The following SNCAIP variants were observed in gnomAD, a reference collection of about 807,000 sequenced individuals.
SNCAIP encodes the protein synphilin-1.
Under a neutral mutation model 86.7 loss-of-function variants are expected in SNCAIP, and 43 were observed. That is an observed-to-expected ratio of 0.50 (90% CI 0.39 to 0.64). The LOEUF is 0.64. Among genes scored for constraint, SNCAIP ranks in the 30% least tolerant of loss-of-function variants. SNCAIP has a pLI of 0.00. For missense variants in SNCAIP, 981 were observed against 1,103.1 expected (o/e 0.89, Z 1.57); for synonymous variants, 417 against 427.2 (o/e 0.98, Z 0.29).
chr5:122,322,583 TG>T (rs1407532402), intron 1 of SNCAIP, among the ~76,000 whole-genome samples: 1 of 152,214 alleles, frequency 6.6e-6, no homozygotes, highest in East Asian at 1.9e-4. Flanking sequence ...TTTGAGTTTT[TG>T]TTTCTGAGTG....
chr5:122,380,801 C>T lies in SNCAIP; in HGVS notation c.-46-10288C>T, dbSNP rs536045159. On this transcript the variant is annotated intron_variant, in intron 1 of 10. Coordinates refer to ENST00000261368, the MANE Select transcript of SNCAIP (RefSeq NM_005460.4). ...TTCTGCCTTCATTTCGTTATGTATC[C>T]AGTAGTCATTTAGGAGCAGGTTGTT... Among the ~76,000 whole-genome samples, 15 of 152,112 alleles carry T rather than the reference C, an allele frequency of 9.9e-5. No individual in the cohort carries two copies. In the South Asian group the frequency reaches 3.1e-3, roughly 32 times the overall value.
chr5:122,425,443 G>A lies in SNCAIP; in HGVS notation c.1094G>A (p.Cys365Tyr), dbSNP rs1328941848. The change falls in exon 5 of 11, where the codon TGT (cysteine) becomes TAT (tyrosine). Residue 365 changes from cysteine (C) to tyrosine (Y), a missense_variant. Cys to Tyr is a radical substitution (Grantham distance 194). Transcript: ENST00000261368. ...GCGGCGTCACAGGGACACGCAGAGT[G>A]TCTACAGCACCTCACTTCTTTGATG... ...HIAASQGHAECLQHLTSLMGE... is the reference protein window; with the variant it reads ...HIAASQGHAEYLQHLTSLMGE... The A allele has an allele frequency of 5.6e-6, 9 of 1,614,014 alleles. No individual in the cohort carries two copies. The highest frequency in any genetic ancestry group is 1.6e-4 in the Middle Eastern group (1 of 6,062).
At position 122,384,887 on chromosome 5, in the gene SNCAIP, C is replaced by T. The variant is rs553952474; in HGVS notation, c.-46-6202C>T. 1.1e-3 allele frequency among the ~76,000 whole-genome samples: 164 copies of T among 152,286 alleles called. 1 individual carries two copies. Among genetic ancestry groups the T allele is most frequent in the Non-Finnish European group, 1.8e-3 (123 of 68,018 alleles). The stretch of plus-strand genomic sequence containing the variant: ...GTTTATCACCCCACCCTCACCATCA[C>T]GCTTCAAGACCGCTTTGTAGAAGCA... On this transcript the variant is annotated intron_variant, in intron 1 of 10. Transcript: ENST00000261368.
At chr5:122,335,948 C>T (rs1174626060) in intron 1 of SNCAIP, among the ~76,000 whole-genome samples, 1 of 152,084 alleles carries the variant, frequency 6.6e-6, no homozygotes, top group African/African-American at 2.4e-5. Context: ...AAGAACCTGG[C>T]GATTCATGAC....
chr5:122,375,471 C>CTT (rs35995238), intron 1 of SNCAIP, among the ~76,000 whole-genome samples: 26 of 115,604 alleles, frequency 2.2e-4, no homozygotes, highest in African/African-American at 7.5e-4. Flanking sequence ...TAGATTTTTG[C>CTT]TTTTTTTTTT....
intron 6 of SNCAIP, among the ~76,000 whole-genome samples, chr5:122,432,987 G>C (rs1778709246): frequency 6.6e-6 from 1 of 152,052 alleles, no homozygotes; most frequent in African/African-American, 2.4e-5. Context: ...TTGTCAACAA[G>C]AGATTATGCT....
chr5:122,360,307 T>G (rs906918461), intron 1 of SNCAIP, among the ~76,000 whole-genome samples: 2 of 152,186 alleles, frequency 1.3e-5, no homozygotes, highest in African/African-American at 4.8e-5. Context: ...ATAGAATGCC[T>G]GATGTCATGT....
intron 1 of SNCAIP, among the ~76,000 whole-genome samples, chr5:122,325,755 T>G (rs1468014748): frequency 6.6e-6 from 1 of 152,210 alleles, no homozygotes; most frequent in Non-Finnish European, 1.5e-5. Flanking sequence ...TTTTATTTTT[T>G]TACAAAGTAT....
intron 1 of SNCAIP, chr5:122,371,772 C>T (rs1764314773): frequency 6.6e-6 from 1 of 152,140 alleles, no homozygotes; most frequent in South Asian, 2.1e-4. Flanking sequence ...ACTTCTATTT[C>T]CTCATCTGTG....
At position 122,450,709 on chromosome 5, in the gene SNCAIP, G is replaced by A. The variant is rs765265384; in HGVS notation, c.1862G>A (p.Arg621His). The A allele has an allele frequency of 2.3e-5, 37 of 1,614,052 alleles. No individual in the cohort carries two copies. The highest frequency in any genetic ancestry group is 5.3e-5 in the African/African-American group (4 of 74,910). The change falls in exon 10 of 11, where the codon CGC (arginine) becomes CAC (histidine). Residue 621 changes from arginine (R) to histidine (H), a missense_variant. By Grantham distance (29) the Arg-to-His change is conservative (BLOSUM62 0). Transcript: ENST00000261368. ...GATGAAGATTCTGATAAAATCTTAC[G>A]CCAGTTATTGGGAAAGGAAATCTCA... Reference protein sequence around the residue: ...AKDEDSDKILRQLLGKEISEN... With the variant: ...AKDEDSDKILHQLLGKEISEN...
At chr5:122,385,670 CGTATGTGTGT>C (rs928602493) in intron 1 of SNCAIP, among the ~76,000 whole-genome samples, 3 of 144,552 alleles carry the variant, frequency 2.1e-5, no homozygotes, top group African/African-American at 7.8e-5. Context: ...CGTGTGCGCA[CGTATGTGTGT>C]GTGTGTGTGT....
chr5:122,416,584 C>G (rs1425607495), intron 3 of SNCAIP, among the ~76,000 whole-genome samples: 2 of 152,180 alleles, frequency 1.3e-5, no homozygotes, highest in African/African-American at 4.8e-5. Flanking sequence ...AGGTCATGGT[C>G]TCATCTCTCA....
chr5:122,363,053 A>G (rs902409938), intron 1 of SNCAIP, among the ~76,000 whole-genome samples: 5 of 148,274 alleles, frequency 3.4e-5, no homozygotes, highest in Admixed American at 2.7e-4. Context: ...CTGGAGTGCA[A>G]TGGTACAATC....
chr5:122,406,830 G>A (rs555908969), intron 3 of SNCAIP, among the ~76,000 whole-genome samples: 16 of 151,892 alleles, frequency 1.1e-4, no homozygotes, highest in Non-Finnish European at 2.1e-4. Flanking sequence ...ACCCAATCTC[G>A]GGTATTTCTT....
At chr5:122,370,468 G>A (rs1764063789) in intron 1 of SNCAIP, among the ~76,000 whole-genome samples, 1 of 152,082 alleles carries the variant, frequency 6.6e-6, no homozygotes, top group Admixed American at 6.6e-5. Context: ...GCCTCTGGAA[G>A]GATGGGACAA....
chr5:122,431,647 C>T (rs1200598541), intron 5 of SNCAIP, among the ~76,000 whole-genome samples: 1 of 152,070 alleles, frequency 6.6e-6, no homozygotes, highest in Admixed American at 6.6e-5. Flanking sequence ...CAGGAGTATA[C>T]ATATTTGTCA....
chr5:122,451,058 C>T lies in SNCAIP; in HGVS notation c.2211C>T (p.Ile737=). ...ASGGRRFPFS[I]KASKSLDGHS... The stretch of plus-strand genomic sequence containing the variant: ...GGGGACGCAGGTTTCCTTTCAGCAT[C>T]AAGGCCTCCAAATCCCTGGATGGCC... The change falls in exon 10 of 11, where the codon ATC becomes ATT. Residue 737 remains isoleucine (I), a synonymous_variant. Transcript: ENST00000261368. 1 of 1,614,182 alleles carries T rather than the reference C, an allele frequency of 6.2e-7. No individual in the cohort carries two copies.
chr5:122,345,896 T>G (rs1472917923), intron 1 of SNCAIP, among the ~76,000 whole-genome samples: 1 of 151,948 alleles, frequency 6.6e-6, no homozygotes, highest in East Asian at 1.9e-4. Flanking sequence ...CGAGCAACCC[T>G]CCTAACTTAA....
intron 1 of SNCAIP, among the ~76,000 whole-genome samples, chr5:122,380,169 C>G (rs1272935931): frequency 6.6e-6 from 1 of 152,174 alleles, no homozygotes; most frequent in Non-Finnish European, 1.5e-5. Context: ...CCATCTGGTC[C>G]TGTACTCTTT....
Sources: allele counts gnomAD v4.1 joint callset (sites outside exome capture counted in the v4.1 genomes callset), GRCh38; gene constraint gnomAD v4.1.1; transcripts MANE v1.5; gene names NCBI Gene and HGNC (gene_info 2026-07-23, HGNC 2026-07-21).